Variants in APOBR observed in about 807,000 individuals in gnomAD.
APOBR encodes apolipoprotein B receptor.
A neutral mutation model predicts 88.5 loss-of-function variants in APOBR; 57 were observed. The observed-to-expected ratio is 0.64, with a 90% CI of 0.52 to 0.80. The LOEUF is 0.80. APOBR is among the 30% of genes least tolerant of loss of function. The pLI is 0.00. For synonymous variants in APOBR, 588 were observed against 572.7 expected (o/e 1.03, Z -0.38); for missense variants, 1,443 against 1,401.6 (o/e 1.03, Z -0.47).
In APOBR at chr16:28,498,243, T is replaced by C. The variant is rs200890256; in HGVS notation, c.3118T>C (p.Ser1040Pro). The C allele has an allele frequency of 2.4e-4, 389 of 1,607,666 alleles. No individual in the cohort carries two copies. Among genetic ancestry groups the C allele is most frequent in the Non-Finnish European group, 3.0e-4 (355 of 1,177,852 alleles). Residue 1040 changes from serine to proline, a missense_variant, in exon 3 of 4, where the codon TCA becomes CCA. Transcript: ENST00000564831. The stretch of plus-strand genomic sequence containing the variant: ...CCCCAACCCTCCTGAGGAGGAGCTG[T>C]CAGCTCCTGAGCAGAGACCCCTCCA... ...PAPNPPEEEL[S>P]APEQRPLQLE... is the part of the protein sequence containing the mutation.
chr16:28,495,630 G>A lies in APOBR; in HGVS notation c.589G>A (p.Glu197Lys). 6.4e-7 allele frequency: 1 copy of A among 1,556,832 alleles called. No homozygotes were observed. Among genetic ancestry groups the A allele is most frequent in the Non-Finnish European group, 8.7e-7 (1 of 1,149,902 alleles). ...AREPGMARGAESEWTWHGETE... is the reference protein window; with the variant it reads ...AREPGMARGAKSEWTWHGETE... ...AGAGCCAGGGATGGCCAGAGGGGCG[G>A]AGTCAGAGTGGACCTGGCATGGGGA... is the stretch of plus-strand genomic sequence containing the variant. The change falls in exon 2 of 4, where the codon GAG becomes AAG. Residue 197 changes from glutamate to lysine, a missense_variant. Glu to Lys is a moderately conservative substitution (Grantham distance 56). Transcript: ENST00000564831.
chr16:28,498,020 G>A lies in APOBR; in HGVS notation c.2955+24G>A, dbSNP rs372874671. On this transcript the variant is annotated intron_variant, in intron 2 of 3. Transcript: ENST00000564831. ...AGGTGAGGGCTCTTGGTGGGGTCTC[G>A]GGGGGAACGAGTGGAATCCCGAAGC... 40 of 1,559,698 alleles carry A rather than the reference G, an allele frequency of 2.6e-5. 1 individual carries two copies. Among genetic ancestry groups the A allele is most frequent in the Middle Eastern group, 1.7e-4 (1 of 5,776 alleles).
At position 28,495,974 on chromosome 16, in the gene APOBR, G is replaced by T; in HGVS notation, c.933G>T (p.Glu311Asp). 1.2e-6 allele frequency: 2 copies of T among 1,603,838 alleles called. No homozygotes were observed. Among genetic ancestry groups the T allele is most frequent in the Non-Finnish European group, 1.7e-6 (2 of 1,179,272 alleles). The change falls in exon 2 of 4, where the codon GAG becomes GAT. Residue 311 changes from glutamate (E) to aspartate (D), a missense_variant. Glu to Asp is a conservative substitution (Grantham distance 45). Transcript: ENST00000564831. ...CAATCTCAGGCGGGGAGGAGGCTGAGACAGCCTCAGGCGGGGAGGAGGCTG... is the reference window on the plus strand; with the variant it reads ...CAATCTCAGGCGGGGAGGAGGCTGATACAGCCTCAGGCGGGGAGGAGGCTG... Reference protein sequence around the residue: ...ARTISGGEEAETASGGEEAET... With the variant: ...ARTISGGEEADTASGGEEAET...
chr16:28,494,927 C>A (rs2046377503), intron 1 of APOBR, 172 bp from the exon 2 acceptor site: 3 of 832,012 alleles, frequency 3.6e-6, no homozygotes, highest in Admixed American at 3.0e-5. Flanking sequence ...TCCAACCATG[C>A]GTCCTCGTAC....
chr16:28,497,338 G>C lies in APOBR; in HGVS notation c.2297G>C (p.Gly766Ala), dbSNP rs2046401344. The change falls in exon 2 of 4, where the codon GGG (glycine) becomes GCG (alanine). Residue 766 changes from glycine (G) to alanine (A), a missense_variant. Gly to Ala is a moderately conservative substitution (Grantham distance 60, BLOSUM62 0). Transcript: ENST00000564831. ...QTGSVAAGIM[G>A]GDVVPHISAA... ...GGCTCTGTGGCTGCTGGGATTATGG[G>C]GGGTGATGTGGTCCCACACATCAGC... The C allele has an allele frequency of 1.9e-6, 3 of 1,606,678 alleles. No homozygotes were observed. The highest frequency in any genetic ancestry group is 2.2e-5 in the South Asian group (2 of 90,102).
At position 28,496,190 on chromosome 16, in the gene APOBR, G is replaced by A. The variant is rs773762933; in HGVS notation, c.1149G>A (p.Leu383=). The A allele has an allele frequency of 6.4e-7, 1 of 1,567,818 alleles. No homozygotes were observed. The highest frequency in any genetic ancestry group is 8.6e-7 in the Non-Finnish European group (1 of 1,159,268). ...CCTCAGGCAAAGAGGAGGCTGACCT[G>A]CTGGGAGTCAGACAGACAGAATATG... ...WTTSGKEEAD[L]LGVRQTEYGA... The change falls in exon 2 of 4, where the codon CTG becomes CTA. Residue 383 remains leucine (L), a synonymous_variant. Transcript: ENST00000564831.
chr16:28,497,870 CAG>C lies in APOBR; in HGVS notation c.2830_2831del (p.Arg944GlyfsTer26). The C allele has an allele frequency of 1.2e-6, 2 of 1,612,526 alleles. No homozygotes were observed. Among genetic ancestry groups the C allele is most frequent in the East Asian group, 2.2e-5 (1 of 44,842 alleles). On this transcript the variant is annotated frameshift_variant, in exon 2 of 4. Coordinates refer to ENST00000564831, the MANE Select transcript of APOBR (RefSeq NM_018690.4). LOFTEE classifies it high-confidence loss of function. ...ETEPESLEHVRGQEEQPTHQA... is the reference protein window; with the variant it reads ...ETEPESLEHVXGQEEQPTHQA... ...CTGAGCCAGAAAGCCTGGAACATGTCAGGGGCCAGGAGGAGCAGCCAACACAC... is the reference window on the plus strand; with the variant it reads ...CTGAGCCAGAAAGCCTGGAACATGTCGGGCCAGGAGGAGCAGCCAACACAC...
At chr16:28,494,801 AC>A in intron 1 of APOBR, 63 bp downstream of exon 1, 3 of 1,499,262 alleles carry the variant, frequency 2.0e-6, no homozygotes, top group South Asian at 2.4e-5. Flanking sequence ...ACTTCCGGGC[AC>A]CTCCCCTGGG....
chr16:28,498,430 C>T lies in APOBR; in HGVS notation c.3225-6C>T. ...CTGTTCTCACGGGCCTGACTTCCGC[C>T]TCCAGGTTTGGCCTCGCGCACCCTG... On this transcript the variant is annotated splice_region_variant and splice_polypyrimidine_tract_variant and intron_variant, in intron 3 of 3. Transcript: ENST00000564831. 5 of 1,600,520 alleles carry T rather than the reference C, an allele frequency of 3.1e-6. No homozygotes were observed. The highest frequency in any genetic ancestry group is 3.4e-6 in the Non-Finnish European group (4 of 1,173,960).
rs750841391 is a variant in APOBR at position 28,497,537 on chromosome 16, G to A, written c.2496G>A (p.Arg832=). The A allele has an allele frequency of 1.2e-6, 2 of 1,610,328 alleles. No homozygotes were observed. The highest frequency in any genetic ancestry group is 1.7e-6 in the Non-Finnish European group (2 of 1,178,176). Residue 832 remains arginine, a synonymous_variant, in exon 2 of 4, where the codon AGG becomes AGA. Transcript: ENST00000564831. ...RGSQVEAFES[R]EGGPWGGRVE... ...GCCAAGTAGAGGCTTTTGAGTCCAG[G>A]GAGGGAGGACCTTGGGGAGGGCGGG...
Position 28,498,085 on chromosome 16 carries a change from C to T in APOBR, c.2960C>T (p.Pro987Leu), listed in dbSNP as rs759484495. ...GGAANSWSEA[P>L]LPGSLLDVSV... is the part of the protein sequence containing the mutation. Reference sequence around the variant, plus strand: ...TCTGTGCCCCCTTTCCTGCAGGCCCCGCTCCCCGGGTCCCTCCTAGACGTC... The same window carrying T: ...TCTGTGCCCCCTTTCCTGCAGGCCCTGCTCCCCGGGTCCCTCCTAGACGTC... The change falls in exon 3 of 4, where the codon CCG becomes CTG. Residue 987 changes from proline (P) to leucine (L), a missense_variant. Pro to Leu is a moderately conservative substitution (Grantham distance 98). Transcript: ENST00000564831. The T allele has an allele frequency of 7.1e-6, 11 of 1,546,368 alleles. No homozygotes were observed. The South Asian group carries it at 8.3e-5, about 12-fold the overall frequency.
rs574177678 is a variant in APOBR at position 28,496,844 on chromosome 16, C to A, written c.1803C>A (p.Ser601Arg). ...LALSKEEQER[S>R]LEAGPRHAGS... is the part of the protein sequence containing the mutation. ...TGAGCAAAGAGGAGCAGGAGAGGAG[C>A]CTGGAGGCAGGTCCCAGGCACGCGG... Residue 601 changes from serine to arginine, a missense_variant, in exon 2 of 4, where the codon AGC becomes AGA. Transcript: ENST00000564831. 2 of 1,559,554 alleles carry A rather than the reference C, an allele frequency of 1.3e-6. No individual in the cohort carries two copies. Among genetic ancestry groups the A allele is most frequent in the African/African-American group, 2.7e-5 (2 of 73,544 alleles).
rs750458104 is a variant in APOBR at position 28,496,577 on chromosome 16, A to G, written c.1536A>G (p.Gly512=). 2 of 1,565,012 alleles carry G rather than the reference A, an allele frequency of 1.3e-6. No homozygotes were observed. Among genetic ancestry groups the G allele is most frequent in the Non-Finnish European group, 1.7e-6 (2 of 1,155,234 alleles). ...CAGTGGCTGAGCTGCCCTCAGATGGAGAGGCTGAAGGCACTGCCGACTTGG... is the reference window on the plus strand; with the variant it reads ...CAGTGGCTGAGCTGCCCTCAGATGGGGAGGCTGAAGGCACTGCCGACTTGG... ...RDPVAELPSD[G]EAEGTADLEA... The change falls in exon 2 of 4, where the codon GGA becomes GGG. Residue 512 remains glycine, a synonymous_variant. Transcript: ENST00000564831.
chr16:28,497,999 G>A lies in APOBR; in HGVS notation c.2955+3G>A. 9 of 1,586,728 alleles carry A rather than the reference G, an allele frequency of 5.7e-6. No homozygotes were observed. Among genetic ancestry groups the A allele is most frequent in the Admixed American group, 1.7e-5 (1 of 57,290 alleles). ...GTGCTGCCAACAGCTGGAGCGAGGT[G>A]AGGGCTCTTGGTGGGGTCTCGGGGG... On this transcript the variant is annotated splice_donor_region_variant and intron_variant, in intron 2 of 3. Coordinates refer to ENST00000564831, the MANE Select transcript of APOBR (RefSeq NM_018690.4).
chr16:28,498,778 G>A lies in APOBR; in HGVS notation c.*273G>A. The A allele has an allele frequency of 1.7e-6, 1 of 577,732 alleles. No homozygotes were observed. The highest frequency in any genetic ancestry group is 3.9e-4 in the Middle Eastern group (1 of 2,546). The allele number at this position is 577,732 out of a possible 1,614,324, so 35.8% of individuals were successfully genotyped here. On this transcript the variant is annotated 3_prime_UTR_variant, in exon 4 of 4. Transcript: ENST00000564831. ...CTGCCCTGGTTCCTCCCCAGCCTGA[G>A]TCAGCTGTCTGGACTGCAAGGAGGC... is the stretch of plus-strand genomic sequence containing the variant.
In APOBR at chr16:28,498,895, C is replaced by T; in HGVS notation, c.*390C>T. 1 of 546,098 alleles carries T rather than the reference C, an allele frequency of 1.8e-6. No homozygotes were observed. The highest frequency in any genetic ancestry group is 1.6e-5 in the South Asian group (1 of 61,330). The allele number at this position is 546,098 out of a possible 1,614,324, so 33.8% of individuals were successfully genotyped here. On this transcript the variant is annotated 3_prime_UTR_variant, in exon 4 of 4. Transcript: ENST00000564831. ...ACCAGGAGTTCGAGACCAGCCTGGG[C>T]AGCATAGCAAGATCCCCATCTTTTA...
At position 28,495,909 on chromosome 16, in the gene APOBR, G is replaced by A. The variant is rs747879868; in HGVS notation, c.868G>A (p.Glu290Lys). The change falls in exon 2 of 4, where the codon GAA becomes AAA. Residue 290 changes from glutamate (E) to lysine (K), a missense_variant. Transcript: ENST00000564831. ...GGAGGCCAGGACAACCCCAGGTAGG[G>A]AAGAGGCCAGGGCAATTTTAGATGG... is the stretch of plus-strand genomic sequence containing the variant. ...REEARTTPGR[E>K]EARAILDGEE... The A allele has an allele frequency of 1.2e-6, 2 of 1,612,672 alleles. No individual in the cohort carries two copies. The highest frequency in any genetic ancestry group is 1.7e-6 in the Non-Finnish European group (2 of 1,179,370).
Position 28,496,390 on chromosome 16 carries a change from T to G in APOBR, c.1349T>G (p.Val450Gly). ...AGCCAGACCGCAGGGAGGGAAGCTG[T>G]GGGAGGCCAGGAGGCAGGGGAGAGC... ...AESQTAGREA[V>G]GGQEAGESFE... The change falls in exon 2 of 4, where the codon GTG (valine) becomes GGG (glycine). Residue 450 changes from valine to glycine, a missense_variant. Physicochemically the swap from Val to Gly is moderately radical, Grantham distance 109. Transcript: ENST00000564831. 1 of 1,607,516 alleles carries G rather than the reference T, an allele frequency of 6.2e-7. No homozygotes were observed. The highest frequency in any genetic ancestry group is 8.5e-7 in the Non-Finnish European group (1 of 1,177,016).
chr16:28,498,417 G>A lies in APOBR; in HGVS notation c.3225-19G>A. 6.3e-7 allele frequency: 1 copy of A among 1,599,438 alleles called. No homozygotes were observed. Among genetic ancestry groups the A allele is most frequent in the South Asian group, 1.1e-5 (1 of 88,392 alleles). On this transcript the variant is annotated intron_variant, in intron 3 of 3. Coordinates refer to ENST00000564831, the MANE Select transcript of APOBR (RefSeq NM_018690.4). ...GGCACCTGGGAACCTGTTCTCACGG[G>A]CCTGACTTCCGCCTCCAGGTTTGGC...
Sources: gnomAD v4.1 joint callset for allele counts on GRCh38, gnomAD v4.1.1 for gene constraint, MANE v1.5 for transcripts, NCBI Gene and HGNC (gene_info 2026-07-23, HGNC 2026-07-21) for gene names.